The following UIMC1 variants were observed in gnomAD, a reference collection of about 807,000 sequenced individuals.
UIMC1 encodes ubiquitin interaction motif containing 1.
Under a neutral mutation model 84.9 loss-of-function variants are expected in UIMC1, and 42 were observed. The observed-to-expected ratio is 0.49, with a 90% CI of 0.39 to 0.64. The LOEUF is 0.64. Ranked by LOEUF, UIMC1 falls within the 30% of genes least tolerant of loss-of-function variation. UIMC1 has a pLI of 0.00. For missense variants in UIMC1, 825 were observed against 847.6 expected (o/e 0.97, Z 0.33); for synonymous variants, 281 against 293.0 (o/e 0.96, Z 0.42).
intron 9 of UIMC1, among the ~76,000 whole-genome samples, chr5:176,950,123 C>CG (rs1193935970): frequency 9.4e-6 from 1 of 106,076 alleles, no homozygotes; most frequent in African/African-American, 4.2e-5. Context: ...TTTTTTGAGA[C>CG]GGAGTCTTGC....
At chr5:176,945,865 C>T (rs942548973) in intron 9 of UIMC1, among the ~76,000 whole-genome samples, 61 of 152,262 alleles carry the variant, frequency 4.0e-4, no homozygotes, top group African/African-American at 1.3e-3. Context: ...TCTTGCTAAT[C>T]ATAGGTTATG....
intron 1 of UIMC1, among the ~76,000 whole-genome samples, chr5:176,995,447 G>A (rs1317251210): frequency 6.7e-6 from 1 of 150,234 alleles, no homozygotes; most frequent in Non-Finnish European, 1.5e-5. Context: ...TACTCAGGAG[G>A]CTGGGGTAGG....
intron 10 of UIMC1, among the ~76,000 whole-genome samples, chr5:176,932,148 T>C (rs1049582292): frequency 1.7e-4 from 26 of 152,186 alleles, no homozygotes; most frequent in Admixed American, 7.2e-4. Context: ...ACGTCAGTAC[T>C]GTGGGCATTC....
At chr5:176,943,194 T>A in intron 10 of UIMC1, 141 bp downstream of exon 10, 1 of 1,038,180 alleles carries the variant, frequency 9.6e-7, no homozygotes, top group Non-Finnish European at 1.4e-6. Context: ...ACTAGAAAAA[T>A]AACTAGATAG....
chr5:176,934,263 TAA>T (rs1763459844), intron 10 of UIMC1, among the ~76,000 whole-genome samples: 1 of 152,162 alleles, frequency 6.6e-6, no homozygotes, highest in South Asian at 2.1e-4. Flanking sequence ...AAAAGACATA[TAA>T]ACACTTTAGA....
intron 6 of UIMC1, among the ~76,000 whole-genome samples, chr5:176,958,978 A>C (rs1766959767): frequency 6.6e-6 from 1 of 152,232 alleles, no homozygotes; most frequent in African/African-American, 2.4e-5. Context: ...TGAAGTTTTC[A>C]AGGTTTCCTA....
At chr5:176,993,689 T>C (rs1248011169) in intron 1 of UIMC1, among the ~76,000 whole-genome samples, 1 of 152,120 alleles carries the variant, frequency 6.6e-6, no homozygotes, top group Non-Finnish European at 1.5e-5. Context: ...TGAATACTAA[T>C]GTATGTATTT....
At chr5:177,003,515 T>C (rs900501670) in intron 1 of UIMC1, among the ~76,000 whole-genome samples, 6 of 151,790 alleles carry the variant, frequency 4.0e-5, no homozygotes, top group Non-Finnish European at 7.4e-5. Flanking sequence ...TACCCGGGCA[T>C]GGTGGTGCGC....
chr5:176,918,205 T>C (rs1761260764), intron 10 of UIMC1, among the ~76,000 whole-genome samples: 1 of 152,222 alleles, frequency 6.6e-6, no homozygotes, highest in South Asian at 2.1e-4. Context: ...TTCAACTGGA[T>C]TCTCATCCCC....
intron 10 of UIMC1, among the ~76,000 whole-genome samples, chr5:176,932,899 T>C (rs1297236676): frequency 7.1e-6 from 1 of 140,882 alleles, no homozygotes; most frequent in African/African-American, 2.8e-5. Flanking sequence ...TGGAACAGCA[T>C]GGAGGCAATG....
At chr5:176,981,047 C>T (rs1251048145) in intron 2 of UIMC1, among the ~76,000 whole-genome samples, 1 of 152,016 alleles carries the variant, frequency 6.6e-6, no homozygotes, top group Non-Finnish European at 1.5e-5. Context: ...GTACCTACCC[C>T]TTGTTTTCTT....
intron 8 of UIMC1, among the ~76,000 whole-genome samples, chr5:176,952,657 C>T (rs1581508915): frequency 6.6e-6 from 1 of 152,134 alleles, no homozygotes; most frequent in Admixed American, 6.5e-5. Context: ...TTTGGCTGGG[C>T]ACAGTCACTC....
intron 10 of UIMC1, among the ~76,000 whole-genome samples, chr5:176,923,863 C>CA (rs374892150): frequency 0.013 from 1,250 of 95,170 alleles, 12 homozygotes; most frequent in East Asian, 0.062. Context: ...GACTCTGTCT[C>CA]AAAAAAAAAA....
At chr5:176,930,715 C>T (rs1205189251) in intron 10 of UIMC1, among the ~76,000 whole-genome samples, 1 of 152,192 alleles carries the variant, frequency 6.6e-6, no homozygotes, top group Non-Finnish European at 1.5e-5. Context: ...CCTTAGAGAT[C>T]AGTCTATGCA....
At position 176,961,160 on chromosome 5, in the gene UIMC1, G is replaced by A. The variant is rs1489752188; in HGVS notation, c.1201-3006C>T. Among the ~76,000 whole-genome samples the A allele has an allele frequency of 2.1e-4, 15 of 72,102 alleles. 2 individuals are homozygous for A. The highest frequency in any genetic ancestry group is 3.5e-4 in the East Asian group (1 of 2,836). The allele number at this position is 72,102 out of a possible 152,430, so 47.3% of individuals were successfully genotyped here. A position where few individuals can be genotyped will look rare whatever the true frequency, so the allele number is the denominator to read the frequency against. On this transcript the variant is annotated intron_variant, in intron 6 of 14. Transcript: ENST00000511320. ...TGGGAAGTGAGGAGCGTCTCCGCCCGGCCGCCATCCCATCTAGGAAGTGAG... is the reference window on the plus strand; with the variant it reads ...TGGGAAGTGAGGAGCGTCTCCGCCCAGCCGCCATCCCATCTAGGAAGTGAG...
At chr5:176,970,634 A>G in intron 4 of UIMC1, 108 bp downstream of exon 4, 11 of 1,565,970 alleles carry the variant, frequency 7.0e-6, no homozygotes, top group Non-Finnish European at 9.6e-6. Context: ...TTGTTAGGTG[A>G]AAACCCTATA....
intron 10 of UIMC1, among the ~76,000 whole-genome samples, chr5:176,922,706 GAGT>G (rs1761856357): frequency 6.6e-6 from 1 of 152,120 alleles, no homozygotes. Flanking sequence ...GACGTTTTTA[GAGT>G]AGATTTTCAA....
At chr5:176,940,682 GTCC>G (rs1764306989) in intron 10 of UIMC1, among the ~76,000 whole-genome samples, 1 of 151,998 alleles carries the variant, frequency 6.6e-6, no homozygotes, top group African/African-American at 2.4e-5. Flanking sequence ...CCAGATTTAG[GTCC>G]TCAACTTTCA....
At chr5:176,924,948 T>C (rs1192515607) in intron 10 of UIMC1, among the ~76,000 whole-genome samples, 2 of 150,872 alleles carry the variant, frequency 1.3e-5, no homozygotes, top group East Asian at 1.9e-4. Flanking sequence ...GGAGAATCGC[T>C]TGAACCTGAG....
Sources: allele counts gnomAD v4.1 joint callset (sites outside exome capture counted in the v4.1 genomes callset), GRCh38; gene constraint gnomAD v4.1.1; transcripts MANE v1.5; gene names NCBI Gene and HGNC (gene_info 2026-07-23, HGNC 2026-07-21).